The following GEN1 variants were observed in gnomAD, a reference collection of about 807,000 sequenced individuals.
GEN1 encodes the protein GEN1 structure-specific endonuclease.
In GEN1, 64 loss-of-function variants were observed where a neutral mutation model predicts 67.6. The observed-to-expected ratio is 0.95, with a 90% confidence interval of 0.77 to 1.17. The LOEUF (loss-of-function observed/expected upper bound fraction) is 1.17, where lower values mean the gene tolerates loss of function less well. Ranked by LOEUF, GEN1 falls within the 50% of genes most tolerant of loss-of-function variation. The probability of loss-of-function intolerance (pLI) is 0.00; values close to 1 mark genes in which losing one functional copy is unlikely to be tolerated. For missense variants in GEN1, 1,058 were observed against 1,048.3 expected, an observed-to-expected ratio of 1.01 and a Z score of -0.13; for synonymous variants, 371 against 359.4, an observed-to-expected ratio of 1.03 and a Z score of -0.37.
chr2:17,755,544 A>T (rs1671389544), intron 1 of GEN1: 1 of 152,362 alleles, frequency 6.6e-6, no homozygotes, highest in Non-Finnish European at 1.5e-5. Flanking sequence ...GAACAGCATT[A>T]GTTACTGAGA....
In GEN1 at chr2:17,785,436, CT is replaced by C. The variant is rs1295634679; in HGVS notation, c.*3500del. ...GTCTTGTTGAGGATGCCTTGCTTCC[CT>C]TTGAAATACTCTGCCAAAGATCTGC... On this transcript the variant is annotated 3_prime_UTR_variant, in exon 14 of 14. Coordinates refer to ENST00000381254, the MANE Select transcript of GEN1 (RefSeq NM_001130009.3). The C allele has an allele frequency of 3.3e-5, 5 of 152,280 alleles. No individual in the cohort carries two copies. Among genetic ancestry groups the C allele is most frequent in the Admixed American group, 6.5e-5 (1 of 15,274 alleles). The allele number at this position is 152,280 out of a possible 1,614,324, so 9.4% of individuals were successfully genotyped here.
At chr2:17,770,118 A>G (rs935724653) in intron 6 of GEN1, among the ~76,000 whole-genome samples, 3 of 152,330 alleles carry the variant, frequency 2.0e-5, no homozygotes, top group Non-Finnish European at 4.4e-5. Context: ...TTAAGGAATC[A>G]TTTGGGAATT....
chr2:17,758,387 T>G (rs1372819277), intron 1 of GEN1, among the ~76,000 whole-genome samples: 1 of 152,222 alleles, frequency 6.6e-6, no homozygotes, highest in Non-Finnish European at 1.5e-5. Context: ...AATAACTTTC[T>G]TCTCAGACTT....
chr2:17,766,713 T>C (rs1381462467), intron 5 of GEN1, 24 bp downstream of exon 5: 9 of 1,278,478 alleles, frequency 7.0e-6, no homozygotes, highest in Non-Finnish European at 1.0e-5. Flanking sequence ...GTCATATTTA[T>C]TTGCTATTCA....
At position 17,766,703 on chromosome 2, in the gene GEN1, G is replaced by T. The variant is rs774311094; in HGVS notation, c.636+14G>T. On this transcript the variant is annotated intron_variant, in intron 5 of 13. Coordinates refer to ENST00000381254, the MANE Select transcript of GEN1 (RefSeq NM_001130009.3). ...TATCTCCCAAAGGTAAGCTGAAATT[G>T]TCATATTTATTTGCTATTCATAAAG... is the stretch of plus-strand genomic sequence containing the variant. The T allele has an allele frequency of 2.5e-5, 35 of 1,395,072 alleles. No individual in the cohort carries two copies. The South Asian group carries it at 3.0e-4, about 12-fold the overall frequency. 86.4% of individuals were successfully genotyped at this position (1,395,072 alleles called of 1,614,324 possible). A position where few individuals can be genotyped will look rare whatever the true frequency, so the allele number is the denominator to read the frequency against.
chr2:17,775,229 A>G (rs1672374196), intron 11 of GEN1, among the ~76,000 whole-genome samples: 2 of 152,148 alleles, frequency 1.3e-5, no homozygotes, highest in Admixed American at 1.3e-4. Flanking sequence ...AAATGGATGG[A>G]TATAAAAAGT....
At chr2:17,758,673 T>C (rs1671534466) in intron 1 of GEN1, among the ~76,000 whole-genome samples, 1 of 152,104 alleles carries the variant, frequency 6.6e-6, no homozygotes, top group Admixed American at 6.6e-5. Flanking sequence ...GTACACTTCA[T>C]AGAAATGAGT....
chr2:17,767,568 A>G (rs1303798540), intron 5 of GEN1, among the ~76,000 whole-genome samples: 1 of 152,182 alleles, frequency 6.6e-6, no homozygotes, highest in Non-Finnish European at 1.5e-5. Flanking sequence ...TTTAAATACC[A>G]CAAACCATTA....
chr2:17,761,660 AATACTT>A (rs1671685715), intron 3 of GEN1, 78 bp downstream of exon 3: 2 of 937,578 alleles, frequency 2.1e-6, no homozygotes, highest in African/African-American at 1.7e-5. Context: ...TGTCATCTTT[AATACTT>A]ATTAATTTTA....
At chr2:17,766,531 A>G in intron 4 of GEN1, 48 bp from the exon 5 acceptor site, 1 of 971,896 alleles carries the variant, frequency 1.0e-6, no homozygotes, top group Non-Finnish European at 1.6e-6. Context: ...GGTTTAATGT[A>G]TAAATATGTA....
rs748263906 is a variant in GEN1, at chr2:17,778,041, T to G, written c.1242T>G (p.Phe414Leu). 3 of 1,597,020 alleles carry G rather than the reference T, an allele frequency of 1.9e-6. No homozygotes were observed. Among genetic ancestry groups the G allele is most frequent in the East Asian group, 2.3e-5 (1 of 44,424 alleles). ...KTRIRNGVHC[F>L]EIEWEKPEHY... is the part of the protein sequence containing the mutation. ...GAATCAGAAATGGAGTTCATTGTTT[T>G]GAAATAGAATGGGAAAAGCCTGGTA... The change falls in exon 12 of 14, where the codon TTT becomes TTG. Residue 414 changes from phenylalanine to leucine, a missense_variant. Coordinates refer to ENST00000381254, the MANE Select transcript of GEN1 (RefSeq NM_001130009.3).
At position 17,778,336 on chromosome 2, in the gene GEN1, GTA is replaced by G. The variant is rs200237376; in HGVS notation, c.1264+276_1264+277del. On this transcript the variant is annotated intron_variant, in intron 12 of 13. Coordinates refer to ENST00000381254, the MANE Select transcript of GEN1 (RefSeq NM_001130009.3). The stretch of plus-strand genomic sequence containing the variant: ...TATACACACACACGTGTACATATAT[GTA>G]TACACACACATGTGTGTACATATAT... 1.6e-3 allele frequency among the ~76,000 whole-genome samples: 45 copies of G among 28,736 alleles called. 3 individuals are homozygous for G. The highest frequency in any genetic ancestry group is 3.5e-3 in the African/African-American group (43 of 12,244). 18.9% of individuals were successfully genotyped at this position (28,736 alleles called of 152,430 possible). A position where few individuals can be genotyped will look rare whatever the true frequency, so the allele number is the denominator to read the frequency against.
rs749282761 is a variant in GEN1, at chr2:17,771,262, T to C, written c.777T>C (p.Ala259=). 1 of 1,608,126 alleles carries C rather than the reference T, an allele frequency of 6.2e-7. No homozygotes were observed. The highest frequency in any genetic ancestry group is 1.1e-5 in the South Asian group (1 of 90,940). The part of the protein sequence containing the change: ...SPQLLVTKKL[A]HCSVCSHPGS... ...AACTGCTAGTCACTAAAAAACTGGC[T>C]CATTGTTCCGTATGTTCCCATCCAG... is the stretch of plus-strand genomic sequence containing the variant. The change falls in exon 7 of 14, where the codon GCT becomes GCC. Residue 259 remains alanine, a synonymous_variant. Coordinates refer to ENST00000381254, the MANE Select transcript of GEN1 (RefSeq NM_001130009.3).
chr2:17,774,608 G>T, intron 11 of GEN1: 1 of 265,508 alleles, frequency 3.8e-6, no homozygotes. Flanking sequence ...AGTAATAATA[G>T]ATTATAAAAA....
intron 5 of GEN1, among the ~76,000 whole-genome samples, chr2:17,768,426 A>G (rs1672029443): frequency 6.6e-6 from 1 of 152,200 alleles, no homozygotes; most frequent in Non-Finnish European, 1.5e-5. Flanking sequence ...TAACATAGTA[A>G]ATGAAAGCCC....
At chr2:17,753,413 C>A (rs1671193392), upstream of GEN1, among the ~76,000 whole-genome samples, 1 of 70,996 alleles carries the variant, frequency 1.4e-5, no homozygotes, top group Admixed American at 1.1e-4. Context: ...AGACCGGTGC[C>A]GCCTCGGAGA....
chr2:17,781,867 C>G lies in GEN1; in HGVS notation c.2655C>G (p.Asn885Lys). 6.2e-7 allele frequency: 1 copy of G among 1,601,800 alleles called. No homozygotes were observed. The highest frequency in any genetic ancestry group is 8.5e-7 in the Non-Finnish European group (1 of 1,176,770). Residue 885 changes from asparagine to lysine, a missense_variant, in exon 14 of 14, where the codon AAC becomes AAG. Asn to Lys is a moderately conservative substitution (Grantham distance 94). Coordinates refer to ENST00000381254, the MANE Select transcript of GEN1 (RefSeq NM_001130009.3). ...CTCTACAATGTCATAAGAAAGAAAA[C>G]AACTCTGGTACTTGTTTGGATAGCC... is the stretch of plus-strand genomic sequence containing the variant. ...LSSLQCHKKE[N>K]NSGTCLDSPL...
Position 17,781,205 on chromosome 2 carries a change from A to C in GEN1, c.1993A>C (p.Thr665Pro), listed in dbSNP as rs761121170. The change falls in exon 14 of 14, where the codon ACT becomes CCT. Residue 665 changes from threonine (T) to proline (P), a missense_variant. Coordinates refer to ENST00000381254, the MANE Select transcript of GEN1 (RefSeq NM_001130009.3). The part of the protein sequence containing the change: ...SPEEHLLSGI[T>P]DLCLQDLPLK... ...TGAAGAGCATCTACTTTCTGGCATT[A>C]CTGATTTATGTCTTCAGGATTTGCC... 9 of 1,613,644 alleles carry C rather than the reference A, an allele frequency of 5.6e-6. No homozygotes were observed. Among genetic ancestry groups the C allele is most frequent in the Non-Finnish European group, 5.9e-6 (7 of 1,179,632 alleles).
In GEN1 at chr2:17,771,238, A is replaced by G. The variant is rs750147901; in HGVS notation, c.753A>G (p.Gln251=). The G allele has an allele frequency of 9.3e-6, 15 of 1,612,066 alleles. No homozygotes were observed. The highest frequency in any genetic ancestry group is 9.3e-6 in the Non-Finnish European group (11 of 1,178,384). The change falls in exon 7 of 14, where the codon CAA becomes CAG. Residue 251 remains glutamine (Q), a synonymous_variant. Coordinates refer to ENST00000381254, the MANE Select transcript of GEN1 (RefSeq NM_001130009.3). ...AAACATCTTGTAACTCTAGTCCACA[A>G]CTGCTAGTCACTAAAAAACTGGCTC... ...WNETSCNSSP[Q]LLVTKKLAHC...
Sources: allele counts gnomAD v4.1 joint callset (sites outside exome capture counted in the v4.1 genomes callset), GRCh38; gene constraint gnomAD v4.1.1; transcripts MANE v1.5; gene names NCBI Gene and HGNC (gene_info 2026-07-23, HGNC 2026-07-21).